SMOC2: variants seen among roughly 807,000 people sequenced by gnomAD.
SMOC2 encodes the protein SPARC-related modular calcium-binding protein 2.
Under a neutral mutation model 61.4 loss-of-function variants are expected in SMOC2, and 39 were observed. The ratio of observed to expected loss-of-function variants is 0.64; its 90% CI spans 0.49 to 0.83. The LOEUF (loss-of-function observed/expected upper bound fraction) is 0.83, where lower values mean the gene tolerates loss of function less well. SMOC2 is among the 40% of genes least tolerant of loss of function. SMOC2 has a pLI of 0.00. For synonymous variants in SMOC2, 247 were observed against 239.9 expected (o/e 1.03, Z -0.27); for missense variants, 556 against 592.9 (o/e 0.94, Z 0.65).
At chr6:168,479,302 T>C (rs544300070) in intron 1 of SMOC2, among the ~76,000 whole-genome samples, 1 of 152,246 alleles carries the variant, frequency 6.6e-6, no homozygotes, top group Non-Finnish European at 1.5e-5. Context: ...GGGAAGACTA[T>C]GTATAGGAGA....
chr6:168,551,422 AT>A (rs1304394167), intron 7 of SMOC2, among the ~76,000 whole-genome samples: 1 of 140,060 alleles, frequency 7.1e-6, no homozygotes, highest in Non-Finnish European at 1.5e-5. Flanking sequence ...AATATACTTT[AT>A]TTTATTTATT....
chr6:168,564,152 G>C (rs1028976657), intron 7 of SMOC2, among the ~76,000 whole-genome samples: 1 of 152,136 alleles, frequency 6.6e-6, no homozygotes, highest in African/African-American at 2.4e-5. Context: ...GACAAAACAC[G>C]AAGTTTCTTG....
At chr6:168,495,587 G>A (rs998658806) in intron 1 of SMOC2, among the ~76,000 whole-genome samples, 4 of 152,298 alleles carry the variant, frequency 2.6e-5, no homozygotes, top group African/African-American at 7.2e-5. Flanking sequence ...CCCGGGAAGC[G>A]TTTGGTGAAA....
At chr6:168,602,695 C>A (rs1785581017) in intron 8 of SMOC2, among the ~76,000 whole-genome samples, 1 of 152,198 alleles carries the variant, frequency 6.6e-6, no homozygotes, top group Admixed American at 6.5e-5. Context: ...GGGGAGGCAG[C>A]CTGCAGGGTC....
At chr6:168,564,485 T>C (rs1018997486) in intron 7 of SMOC2, among the ~76,000 whole-genome samples, 4 of 152,206 alleles carry the variant, frequency 2.6e-5, no homozygotes, top group Admixed American at 2.6e-4. Context: ...ATTTAATGTA[T>C]TTTCAGAGGT....
chr6:168,464,941 G>T (rs1435479219), intron 1 of SMOC2, among the ~76,000 whole-genome samples: 1 of 152,218 alleles, frequency 6.6e-6, no homozygotes, highest in Non-Finnish European at 1.5e-5. Context: ...GGCTCCAGGT[G>T]GGTGGAAGCA....
At chr6:168,532,179 T>A (rs1392734793) in intron 4 of SMOC2, among the ~76,000 whole-genome samples, 1 of 152,120 alleles carries the variant, frequency 6.6e-6, no homozygotes, top group Non-Finnish European at 1.5e-5. Flanking sequence ...TAGAGATGTA[T>A]GCACTCCTCA....
At chr6:168,456,883 C>T (rs1345888709) in intron 1 of SMOC2, among the ~76,000 whole-genome samples, 1 of 152,150 alleles carries the variant, frequency 6.6e-6, no homozygotes. Flanking sequence ...TCATGTCCAC[C>T]GAGGTGAATG....
At chr6:168,518,827 G>A (rs1303409222) in intron 2 of SMOC2, among the ~76,000 whole-genome samples, 1 of 148,550 alleles carries the variant, frequency 6.7e-6, no homozygotes, top group Non-Finnish European at 1.5e-5. Context: ...TTATGTGAGT[G>A]CATGAGTGTG....
chr6:168,616,069 C>T (rs2002240), intron 9 of SMOC2, among the ~76,000 whole-genome samples: 3,742 of 152,224 alleles, frequency 0.025, 290 homozygotes, highest in Admixed American at 0.16. Context: ...AGACAGGAGC[C>T]GGCCAGGACC....
chr6:168,465,609 G>A (rs1049893973), intron 1 of SMOC2, among the ~76,000 whole-genome samples: 1 of 152,080 alleles, frequency 6.6e-6, no homozygotes, highest in African/African-American at 2.4e-5. Flanking sequence ...GAGATTTTAC[G>A]AAAGTGACAT....
chr6:168,623,122 G>A (rs991189079), intron 9 of SMOC2, among the ~76,000 whole-genome samples: 11 of 152,094 alleles, frequency 7.2e-5, no homozygotes, highest in Non-Finnish European at 7.3e-5. Flanking sequence ...AATTCTGTTC[G>A]TGCTCTATTG....
chr6:168,633,534 T>C (rs1786627017), intron 9 of SMOC2, among the ~76,000 whole-genome samples: 2 of 152,020 alleles, frequency 1.3e-5, no homozygotes, highest in Non-Finnish European at 2.9e-5. Context: ...AAATAAAATA[T>C]GAAAAACTCA....
chr6:168,647,817 C>T (rs917794011), intron 9 of SMOC2, among the ~76,000 whole-genome samples: 9 of 152,116 alleles, frequency 5.9e-5, no homozygotes, highest in Non-Finnish European at 1.3e-4. Context: ...GAAGTACAGT[C>T]GTCCGTCATC....
chr6:168,659,615 A>ATT (rs1787433718), intron 11 of SMOC2, among the ~76,000 whole-genome samples: 1 of 39,840 alleles, frequency 2.5e-5, no homozygotes, highest in Non-Finnish European at 5.3e-5. Flanking sequence ...TGGAGGTTGT[A>ATT]GGCTGAGTGA....
chr6:168,662,600 G>A lies in SMOC2; in HGVS notation c.1286-1474G>A, dbSNP rs143972915. On this transcript the variant is annotated intron_variant, in intron 11 of 12. Transcript: ENST00000356284. ...GAAGCCTCTGGCTGCTTCTCTGAGT[G>A]AGGCCATTGGAAGGCTTGGGTGGAA... Among the ~76,000 whole-genome samples, 17 of 152,376 alleles carry A rather than the reference G, an allele frequency of 1.1e-4. No homozygotes were observed. The East Asian group carries it at 2.7e-3, about 24-fold the overall frequency.
chr6:168,651,005 C>G (rs939970804), intron 10 of SMOC2, among the ~76,000 whole-genome samples: 2 of 152,218 alleles, frequency 1.3e-5, no homozygotes, highest in Non-Finnish European at 2.9e-5. Context: ...GGCCCTGAGC[C>G]GTGACTCCTG....
intron 7 of SMOC2, among the ~76,000 whole-genome samples, chr6:168,559,146 CCATTCACACTTAA>C: frequency 6.6e-6 from 1 of 152,230 alleles, no homozygotes; most frequent in Non-Finnish European, 1.5e-5. Flanking sequence ...TCTCTTTTTG[CCATTCACACTTAA>C]GAATAGTAAT....
chr6:168,570,838 C>T (rs1280221112), intron 7 of SMOC2, among the ~76,000 whole-genome samples: 2 of 152,208 alleles, frequency 1.3e-5, no homozygotes, highest in African/African-American at 4.8e-5. Flanking sequence ...CATCTCTAAT[C>T]CTTTCCTGCA....
Sources: gnomAD v4.1 joint callset for allele counts (sites outside exome capture counted in the v4.1 genomes callset) on GRCh38, gnomAD v4.1.1 for gene constraint, MANE v1.5 for transcripts, NCBI Gene and HGNC (gene_info 2026-07-23, HGNC 2026-07-21) for gene names.